The following DSCAM variants were observed in gnomAD, a reference collection of about 807,000 sequenced individuals.
DSCAM encodes DS cell adhesion molecule.
Under a neutral mutation model 217.7 loss-of-function variants are expected in DSCAM, and 47 were observed. The observed-to-expected ratio is 0.22, with a 90% CI of 0.17 to 0.28. The LOEUF (loss-of-function observed/expected upper bound fraction) is 0.28, where lower values mean the gene tolerates loss of function less well. DSCAM is among the 10% of genes least tolerant of loss of function. The probability of loss-of-function intolerance (pLI) is 1.00; values close to 1 mark genes in which losing one functional copy is unlikely to be tolerated. For missense variants in DSCAM, 2,080 were observed against 2,618.3 expected (o/e 0.79, Z 4.49); for synonymous variants, 1,056 against 1,015.3 (o/e 1.04, Z -0.76).
intron 3 of DSCAM, among the ~76,000 whole-genome samples, chr21:40,514,679 G>C (rs2076286398): frequency 6.6e-6 from 1 of 152,138 alleles, no homozygotes; most frequent in Admixed American, 6.6e-5. Flanking sequence ...ATAATAGCAT[G>C]CACAAATGGA....
chr21:40,298,913 G>A (rs1175898650), intron 9 of DSCAM, among the ~76,000 whole-genome samples: 1 of 152,116 alleles, frequency 6.6e-6, no homozygotes, highest in East Asian at 1.9e-4. Flanking sequence ...GTGTATATGA[G>A]AAACAACCAT....
intron 3 of DSCAM, among the ~76,000 whole-genome samples, chr21:40,590,900 T>C (rs460541): frequency 0.68 from 102,820 of 151,954 alleles, 35,078 homozygotes; most frequent in African/African-American, 0.74. Flanking sequence ...TGCCTTAGTT[T>C]GTCCAGGCTG....
rs56897539 is a variant in DSCAM at position 40,428,232 on chromosome 21, CTTTGTGTG to C, written c.509-58995_509-58988del. Among the ~76,000 whole-genome samples, 778 of 129,526 alleles carry C rather than the reference CTTTGTGTG, an allele frequency of 6.0e-3. 5 individuals carry two copies. The highest frequency in any genetic ancestry group is 0.021 in the African/African-American group (721 of 34,038). The allele number at this position is 129,526 out of a possible 152,430, so 85.0% of individuals were successfully genotyped here. Reference sequence around the variant, plus strand: ...AACTGTGTGACCATGAGGGCAAATACTTTGTGTGTGTGTGTGTGTGTGTGTGTGTGTGT... The same window carrying C: ...AACTGTGTGACCATGAGGGCAAATACTGTGTGTGTGTGTGTGTGTGTGTGT... On this transcript the variant is annotated intron_variant, in intron 3 of 32. Coordinates refer to ENST00000400454, the MANE Select transcript of DSCAM (RefSeq NM_001389.5).
intron 3 of DSCAM, among the ~76,000 whole-genome samples, chr21:40,676,510 T>C (rs550136171): frequency 7.2e-5 from 11 of 152,352 alleles, no homozygotes; most frequent in African/African-American, 2.4e-4. Context: ...AGGAAATGCT[T>C]GAGACTTCGA....
At chr21:40,072,058 C>T (rs970137023) in intron 27 of DSCAM, among the ~76,000 whole-genome samples, 5 of 152,202 alleles carry the variant, frequency 3.3e-5, no homozygotes, top group African/African-American at 4.8e-5. Context: ...TGAGTCTGCC[C>T]CTTGCAAGCC....
At chr21:40,325,102 G>T (rs770161948) in intron 8 of DSCAM, among the ~76,000 whole-genome samples, 2 of 152,120 alleles carry the variant, frequency 1.3e-5, no homozygotes, top group African/African-American at 4.8e-5. Flanking sequence ...GCTTAGAAAA[G>T]GTCATAGCTC....
At chr21:40,397,808 C>T (rs1324285052) in intron 3 of DSCAM, among the ~76,000 whole-genome samples, 4 of 152,162 alleles carry the variant, frequency 2.6e-5, no homozygotes, top group African/African-American at 9.6e-5. Context: ...ATTACCAATA[C>T]TGCTACCACC....
chr21:40,813,097 G>A (rs903756482), intron 1 of DSCAM, among the ~76,000 whole-genome samples: 2 of 152,162 alleles, frequency 1.3e-5, no homozygotes, highest in African/African-American at 2.4e-5. Flanking sequence ...TTTGAAATAC[G>A]AGGAGAAATA....
In DSCAM at chr21:40,087,163, T is replaced by C. The variant is rs187571698; in HGVS notation, c.3968+7A>G. 2 of 1,597,652 alleles carry C rather than the reference T, an allele frequency of 1.3e-6. No homozygotes were observed. Among genetic ancestry groups the C allele is most frequent in the Non-Finnish European group, 8.6e-7 (1 of 1,164,876 alleles). ...TCACTGAAGGCATACATTGGGTTAC[T>C]GGTTACCTGTCTTTCATCCATTTGA... On this transcript the variant is annotated splice_region_variant and intron_variant, in intron 22 of 32. Transcript: ENST00000400454.
intron 25 of DSCAM, among the ~76,000 whole-genome samples, chr21:40,079,321 AC>A (rs2089418795): frequency 2.0e-5 from 3 of 152,104 alleles, no homozygotes; most frequent in Non-Finnish European, 4.4e-5. Flanking sequence ...CATGTGATGA[AC>A]CTGATTCAAG....
At chr21:40,818,247 TA>T (rs71186970) in intron 1 of DSCAM, among the ~76,000 whole-genome samples, 9,710 of 150,230 alleles carry the variant, frequency 0.065, 435 homozygotes, top group Non-Finnish European at 0.096. Context: ...GTTTTCTTTT[TA>T]AAAAAAAGAC....
At chr21:40,817,315 G>A (rs1375018250) in intron 1 of DSCAM, among the ~76,000 whole-genome samples, 3 of 152,216 alleles carry the variant, frequency 2.0e-5, no homozygotes, top group Admixed American at 1.3e-4. Context: ...AAATCAGATC[G>A]CTTGTTTCTT....
chr21:40,147,014 CT>C (rs1410296456), intron 16 of DSCAM, among the ~76,000 whole-genome samples: 1 of 152,184 alleles, frequency 6.6e-6, no homozygotes, highest in African/African-American at 2.4e-5. Flanking sequence ...GAGATTTCCC[CT>C]ATTTTACCTA....
At chr21:40,143,888 C>A (rs908801315) in intron 17 of DSCAM, among the ~76,000 whole-genome samples, 4 of 152,172 alleles carry the variant, frequency 2.6e-5, no homozygotes, top group African/African-American at 9.7e-5. Flanking sequence ...CAAATAACCC[C>A]ATATCTTAAC....
At chr21:40,751,804 TAA>T (rs1452328847) in intron 1 of DSCAM, among the ~76,000 whole-genome samples, 2 of 152,150 alleles carry the variant, frequency 1.3e-5, no homozygotes, top group Non-Finnish European at 2.9e-5. Flanking sequence ...TAAAAAAAAT[TAA>T]GTTACATTTT....
At chr21:40,104,563 T>C (rs145967544) in intron 20 of DSCAM, among the ~76,000 whole-genome samples, 10 of 152,126 alleles carry the variant, frequency 6.6e-5, no homozygotes, top group African/African-American at 2.4e-4. Context: ...GTGGGATGAA[T>C]AGGAGGAGCA....
At chr21:40,491,371 G>T (rs1473015950) in intron 3 of DSCAM, among the ~76,000 whole-genome samples, 1 of 151,884 alleles carries the variant, frequency 6.6e-6, no homozygotes, top group Non-Finnish European at 1.5e-5. Flanking sequence ...TTTTTGCCAC[G>T]ATTCTCTTAT....
At chr21:40,026,921 G>T (rs1469791683) in intron 32 of DSCAM, among the ~76,000 whole-genome samples, 14 of 152,302 alleles carry the variant, frequency 9.2e-5, no homozygotes, top group African/African-American at 3.4e-4. Context: ...CTGTCATTAT[G>T]ATGTTAGCTG....
intron 18 of DSCAM, among the ~76,000 whole-genome samples, chr21:40,141,802 C>A (rs1322559529): frequency 2.0e-5 from 3 of 152,082 alleles, no homozygotes; most frequent in Non-Finnish European, 4.4e-5. Context: ...TCTGCCCCAG[C>A]ACACTCACGC....
Sources: gnomAD v4.1 joint callset for allele counts (sites outside exome capture counted in the v4.1 genomes callset) on GRCh38, gnomAD v4.1.1 for gene constraint, MANE v1.5 for transcripts, NCBI Gene and HGNC (gene_info 2026-07-23, HGNC 2026-07-21) for gene names.